The following TNRC18 variants were observed in gnomAD, a reference collection of about 807,000 sequenced individuals.
TNRC18 encodes the protein trinucleotide repeat-containing gene 18 protein.
In TNRC18, 69 loss-of-function variants were observed where a neutral mutation model predicts 226.7. The observed-to-expected ratio is 0.30, with a 90% CI of 0.25 to 0.37. The LOEUF is 0.37. TNRC18 is among the 10% of genes least tolerant of loss of function. The pLI is 1.00. For synonymous variants in TNRC18, 2,449 were observed against 1,927.6 expected, an observed-to-expected ratio of 1.27 and a Z score of -7.09; for missense variants, 4,754 against 4,256.6, an observed-to-expected ratio of 1.12 and a Z score of -3.25.
At position 5,357,142 on chromosome 7, in the gene TNRC18, C is replaced by T; in HGVS notation, c.4968G>A (p.Ser1656=). The T allele has an allele frequency of 1.3e-6, 2 of 1,569,902 alleles. No homozygotes were observed. Among genetic ancestry groups the T allele is most frequent in the African/African-American group, 2.7e-5 (2 of 74,190 alleles). ...FKFSDSAGGK[S]KTSGGCGRYL... Reference sequence around the variant, plus strand: ...ACCTGCCGCAGCCCCCGCTAGTTTTCGATTTCCCCCCAGCACTGTCCGAAA... The same window carrying T: ...ACCTGCCGCAGCCCCCGCTAGTTTTTGATTTCCCCCCAGCACTGTCCGAAA... The change falls in exon 16 of 30, where the codon TCG becomes TCA. Residue 1656 remains serine (S), a synonymous_variant. Transcript: ENST00000430969.
In TNRC18 at chr7:5,332,914, C is replaced by A. The variant is rs1365919017; in HGVS notation, c.5855G>T (p.Gly1952Val). ...CTTGTCTGGGCTGCTGGGGTCGGGA[C>A]CGCGGGCGCCAGGCGTGGGTGCGGC... is the stretch of plus-strand genomic sequence containing the variant. ...SLAAPTPGAR[G>V]PDPSSPDKAK... Residue 1952 changes from glycine to valine, a missense_variant, in exon 19 of 30, where the codon GGT (glycine) becomes GTT (valine). By Grantham distance (109) the Gly-to-Val change is moderately radical. Coordinates refer to ENST00000430969, the MANE Select transcript of TNRC18 (RefSeq NM_001080495.3). 6.5e-7 allele frequency: 1 copy of A among 1,539,142 alleles called. No individual in the cohort carries two copies. Among genetic ancestry groups the A allele is most frequent in the South Asian group, 1.2e-5 (1 of 84,466 alleles).
intron 27 of TNRC18, among the ~76,000 whole-genome samples, chr7:5,311,769 G>A (rs1184351826): frequency 1.3e-5 from 2 of 151,874 alleles, no homozygotes; most frequent in Non-Finnish European, 2.9e-5. Context: ...AGTGAGCCAC[G>A]ATGGCACCGC....
chr7:5,374,366 C>T lies in TNRC18; in HGVS notation c.2918G>A (p.Arg973Gln), dbSNP rs756055756. ...GCCGGCGGCCAGGCCAGGGGGCTTC[C>T]GCGGCAGCAGCCCGGGGCCGGCGGT... ...LATAGPGLLPRKPPGLAAGPA... is the reference protein window; with the variant it reads ...LATAGPGLLPQKPPGLAAGPA... Residue 973 changes from arginine to glutamine, a missense_variant, in exon 10 of 30, where the codon CGG becomes CAG. By Grantham distance (43) the Arg-to-Gln change is conservative. Transcript: ENST00000430969. The T allele has an allele frequency of 6.1e-5, 89 of 1,468,472 alleles. No homozygotes were observed. In the East Asian group the frequency reaches 7.6e-4, roughly 13 times the overall value. 91.0% of individuals were successfully genotyped at this position (1,468,472 alleles called of 1,614,324 possible).
intron 26 of TNRC18, among the ~76,000 whole-genome samples, chr7:5,314,328 T>G (rs796478577): frequency 3.8e-4 from 58 of 152,230 alleles, no homozygotes; most frequent in African/African-American, 1.4e-3. Context: ...GGCTGCAGCC[T>G]TCTTAGGCCT....
At chr7:5,346,874 C>T (rs2128140930) in intron 17 of TNRC18, among the ~76,000 whole-genome samples, 1 of 152,324 alleles carries the variant, frequency 6.6e-6, no homozygotes, top group African/African-American at 2.4e-5. Context: ...AACAGGGCCA[C>T]CCCCGTGACT....
Position 5,344,715 on chromosome 7 carries a change from C to T in TNRC18, c.5719+847G>A, listed in dbSNP as rs567756977. On this transcript the variant is annotated intron_variant, in intron 18 of 29. Coordinates refer to ENST00000430969, the MANE Select transcript of TNRC18 (RefSeq NM_001080495.3). ...GGGGGGTCAGAAGGACCCTCCCCTG[C>T]TGGGGCCAGGGGAACTCAGAGCCTG... is the stretch of plus-strand genomic sequence containing the variant. Among the ~76,000 whole-genome samples the T allele has an allele frequency of 2.6e-5, 4 of 152,312 alleles. No homozygotes were observed. In the South Asian group the frequency reaches 8.3e-4, roughly 32 times the overall value.
intron 21 of TNRC18, among the ~76,000 whole-genome samples, chr7:5,322,055 A>G (rs892722674): frequency 5.9e-5 from 9 of 151,894 alleles, no homozygotes; most frequent in African/African-American, 2.2e-4. Context: ...TGAGGCGGGC[A>G]GATCACAAGG....
chr7:5,413,243 G>A (rs1781954450), intron 2 of TNRC18, among the ~76,000 whole-genome samples: 1 of 152,122 alleles, frequency 6.6e-6, no homozygotes, highest in Admixed American at 6.5e-5. Flanking sequence ...GTTCATGCCG[G>A]GGAGCCAAGA....
intron 17 of TNRC18, among the ~76,000 whole-genome samples, chr7:5,347,786 C>T (rs1243150750): frequency 1.3e-5 from 2 of 151,994 alleles, no homozygotes; most frequent in Admixed American, 1.3e-4. Flanking sequence ...GAAACCCCAT[C>T]TCTACTAAAA....
At chr7:5,417,651 C>A (rs973513587) in intron 2 of TNRC18, among the ~76,000 whole-genome samples, 1 of 152,150 alleles carries the variant, frequency 6.6e-6, no homozygotes, top group Non-Finnish European at 1.5e-5. Context: ...AAATTATTTG[C>A]TGAGTAAATG....
intron 5 of TNRC18, among the ~76,000 whole-genome samples, chr7:5,382,240 A>G (rs565277427): frequency 6.6e-6 from 1 of 152,272 alleles, no homozygotes; most frequent in Non-Finnish European, 1.5e-5. Flanking sequence ...CCTGCTGACC[A>G]CCAACATACA....
intron 1 of TNRC18, among the ~76,000 whole-genome samples, chr7:5,422,571 C>T (rs1160128724): frequency 6.6e-6 from 1 of 152,204 alleles, no homozygotes; most frequent in East Asian, 1.9e-4. Context: ...CCTGGGCTCT[C>T]TTAAGAGAAG....
At chr7:5,382,705 G>A (rs1347991956) in intron 5 of TNRC18, among the ~76,000 whole-genome samples, 3 of 152,126 alleles carry the variant, frequency 2.0e-5, no homozygotes, top group African/African-American at 7.2e-5. Flanking sequence ...TAGAGGTGAT[G>A]GGCCAGTGAA....
In TNRC18 at chr7:5,309,455, G is replaced by C; in HGVS notation, c.8389-87C>G. ...GCAGGCTCTGCCGCTTGGGACTCTG[G>C]GCCCTCGGCCTCTAAATCAACCCCT... is the stretch of plus-strand genomic sequence containing the variant. On this transcript the variant is annotated intron_variant, in intron 27 of 29. Coordinates refer to ENST00000430969, the MANE Select transcript of TNRC18 (RefSeq NM_001080495.3). The surrounding 1 kb of genome is among the most constrained non-coding windows in gnomAD (Gnocchi z 5.7). 2.5e-6 allele frequency: 3 copies of C among 1,210,316 alleles called. No individual in the cohort carries two copies. Among genetic ancestry groups the C allele is most frequent in the East Asian group, 2.6e-5 (1 of 39,138 alleles). The allele number at this position is 1,210,316 out of a possible 1,614,324, so 75.0% of individuals were successfully genotyped here. A position where few individuals can be genotyped will look rare whatever the true frequency, so the allele number is the denominator to read the frequency against.
At position 5,374,455 on chromosome 7, in the gene TNRC18, C is replaced by A. The variant is rs775112984; in HGVS notation, c.2829G>T (p.Arg943=). ...VQERLKAQEH[R]AEMEEKGSKR... is the part of the protein sequence containing the mutation. The stretch of plus-strand genomic sequence containing the variant: ...TGCTCCCCTTCTCTTCCATCTCCGC[C>A]CGGTGCTCCTGCGCCTTCAACCGCT... Residue 943 remains arginine, a synonymous_variant, in exon 10 of 30, where the codon CGG becomes CGT. Coordinates refer to ENST00000430969, the MANE Select transcript of TNRC18 (RefSeq NM_001080495.3). 6.5e-7 allele frequency: 1 copy of A among 1,547,046 alleles called. No homozygotes were observed.
At position 5,307,827 on chromosome 7, in the gene TNRC18, A is replaced by G; in HGVS notation, c.*279T>C. ...GCCAAGTGCTTGCAACGTGCTGGGC[A>G]GGAAGGGCCGGTCCGGCCATACCCT... On this transcript the variant is annotated 3_prime_UTR_variant, in exon 30 of 30. Coordinates refer to ENST00000430969, the MANE Select transcript of TNRC18 (RefSeq NM_001080495.3). The G allele has an allele frequency of 2.0e-6, 1 of 492,610 alleles. No individual in the cohort carries two copies. Among genetic ancestry groups the G allele is most frequent in the Non-Finnish European group, 3.7e-6 (1 of 268,198 alleles). The allele number at this position is 492,610 out of a possible 1,614,324, so 30.5% of individuals were successfully genotyped here.
chr7:5,328,684 A>AT (rs1789197935), intron 19 of TNRC18, among the ~76,000 whole-genome samples: 1 of 151,516 alleles, frequency 6.6e-6, no homozygotes, highest in Admixed American at 6.6e-5. Flanking sequence ...ACTTTTTTGT[A>AT]TTTTTTTAGT....
At chr7:5,334,498 C>A (rs772154217) in intron 18 of TNRC18, among the ~76,000 whole-genome samples, 4 of 151,080 alleles carry the variant, frequency 2.6e-5, no homozygotes, top group African/African-American at 9.7e-5. Context: ...GGGGTTTCAC[C>A]GTGTTAGGCA....
At position 5,371,261 on chromosome 7, in the gene TNRC18, G is replaced by A. The variant is rs921550789; in HGVS notation, c.3333C>T (p.Ala1111=). 2.1e-5 allele frequency: 33 copies of A among 1,597,984 alleles called. No homozygotes were observed. The highest frequency in any genetic ancestry group is 1.7e-4 in the Middle Eastern group (1 of 6,042). The part of the protein sequence containing the change: ...PTAAADADGL[A]PDVPLPADGP... ...CATCAGCCGGGAGCGGCACATCAGG[G>A]GCCAAGCCGTCCGCGTCGGCGGCGG... The change falls in exon 11 of 30, where the codon GCC becomes GCT. Residue 1111 remains alanine (A), a synonymous_variant. Transcript: ENST00000430969.
Sources: allele counts gnomAD v4.1 joint callset (sites outside exome capture counted in the v4.1 genomes callset), GRCh38; gene constraint gnomAD v4.1.1; non-coding constraint Gnocchi (gnomAD v3.1); transcripts MANE v1.5; gene names NCBI Gene and HGNC (gene_info 2026-07-23, HGNC 2026-07-21).